Variants in ILDR2 observed in about 807,000 individuals in gnomAD.
ILDR2 encodes immunoglobulin like domain containing receptor 2, also known as immunoglobulin-like domain-containing receptor 2.
In ILDR2, 25 loss-of-function variants were observed where a neutral mutation model predicts 66.8. The observed-to-expected ratio is 0.37, with a 90% CI of 0.27 to 0.52. The LOEUF (loss-of-function observed/expected upper bound fraction) is 0.52. ILDR2 is among the 20% of genes least tolerant of loss of function. The pLI, the probability that ILDR2 is intolerant of heterozygous loss-of-function variation, is 0.88. For synonymous variants in ILDR2, 367 were observed against 357.2 expected (o/e 1.03, Z -0.31); for missense variants, 827 against 876.8 (o/e 0.94, Z 0.72).
rs1291765212 is a variant in ILDR2, at chr1:166,965,579, T to G, written c.47-7478A>C. Reference sequence around the variant, plus strand: ...CTTCAAGTTAGGTTTTGTTTTTTTTTTTGTTTTTTTTTTGACAGGGTCTCT... The same window carrying G: ...CTTCAAGTTAGGTTTTGTTTTTTTTGTTGTTTTTTTTTTGACAGGGTCTCT... On this transcript the variant is annotated intron_variant, in intron 1 of 9. Transcript: ENST00000271417. Among the ~76,000 whole-genome samples the G allele has an allele frequency of 4.0e-5, 6 of 148,212 alleles. 1 individual carries two copies. The highest frequency in any genetic ancestry group is 1.9e-4 in the East Asian group (1 of 5,142).
intron 1 of ILDR2, among the ~76,000 whole-genome samples, chr1:166,968,518 A>T (rs1202484843): frequency 6.6e-6 from 1 of 152,116 alleles, no homozygotes; most frequent in Non-Finnish European, 1.5e-5. Flanking sequence ...TACTCCATAC[A>T]TGTGTTGAAT....
chr1:166,961,067 C>T (rs1039801588), intron 1 of ILDR2, among the ~76,000 whole-genome samples: 4 of 152,186 alleles, frequency 2.6e-5, no homozygotes, highest in African/African-American at 9.7e-5. Flanking sequence ...TATTCTGGCA[C>T]TGCTTGGGAA....
intron 6 of ILDR2, among the ~76,000 whole-genome samples, chr1:166,933,088 G>GAC (rs1170864587): frequency 6.6e-6 from 1 of 152,208 alleles, no homozygotes; most frequent in Non-Finnish European, 1.5e-5. Flanking sequence ...TAGCTGCGGT[G>GAC]ACACTGATTG....
chr1:166,958,630 G>A (rs902883957), intron 1 of ILDR2, among the ~76,000 whole-genome samples: 3 of 152,144 alleles, frequency 2.0e-5, no homozygotes, highest in African/African-American at 7.2e-5. Flanking sequence ...ATAGCAGTGT[G>A]AGAGCGGACC....
At chr1:166,941,374 T>G (rs1247379200) in intron 3 of ILDR2, among the ~76,000 whole-genome samples, 1 of 152,156 alleles carries the variant, frequency 6.6e-6, no homozygotes, top group Non-Finnish European at 1.5e-5. Flanking sequence ...CATAAAAGAC[T>G]AAGAGATGCC....
rs1000336100 is a variant in ILDR2, at chr1:166,909,780, T to A, written c.*9575A>T. ...ATATAAATATATATAAATATATATA[T>A]TTATATATATATATATATATATATA... On this transcript the variant is annotated 3_prime_UTR_variant, in exon 10 of 10. Coordinates refer to ENST00000271417, the MANE Select transcript of ILDR2 (RefSeq NM_199351.3). 1.5e-4 allele frequency: 6 copies of A among 39,112 alleles called. No individual in the cohort carries two copies. Among genetic ancestry groups the A allele is most frequent in the East Asian group, 8.9e-4 (1 of 1,118 alleles). The allele number at this position is 39,112 out of a possible 1,614,324, so 2.4% of individuals were successfully genotyped here.
chr1:166,944,470 T>G (rs1437219316), intron 3 of ILDR2, among the ~76,000 whole-genome samples: 1 of 152,196 alleles, frequency 6.6e-6, no homozygotes, highest in Admixed American at 6.5e-5. Flanking sequence ...CAAATTAGTT[T>G]TCATCAGCCC....
At chr1:166,953,077 A>G (rs901211540) in intron 3 of ILDR2, among the ~76,000 whole-genome samples, 4 of 152,142 alleles carry the variant, frequency 2.6e-5, no homozygotes, top group Non-Finnish European at 4.4e-5. Context: ...TCCCACATCT[A>G]TTCTTCTTTT....
intron 1 of ILDR2, among the ~76,000 whole-genome samples, chr1:166,968,255 C>T (rs1663078641): frequency 6.6e-6 from 1 of 152,152 alleles, no homozygotes; most frequent in Admixed American, 6.5e-5. Context: ...TCCCCTGATT[C>T]TTGGCCTTTG....
rs1324310384 is a variant in ILDR2 at position 166,920,837 on chromosome 1, T to C, written c.1754A>G (p.Asp585Gly). The C allele has an allele frequency of 2.6e-6, 4 of 1,515,786 alleles. No homozygotes were observed. Among genetic ancestry groups the C allele is most frequent in the Non-Finnish European group, 3.5e-6 (4 of 1,135,604 alleles). The allele number at this position is 1,515,786 out of a possible 1,614,324, so 93.9% of individuals were successfully genotyped here. The change falls in exon 9 of 10, where the codon GAC becomes GGC. Residue 585 changes from aspartate (D) to glycine (G), a missense_variant. Asp to Gly is a moderately conservative substitution (Grantham distance 94). Coordinates refer to ENST00000271417, the MANE Select transcript of ILDR2 (RefSeq NM_199351.3). ...GGGCGGCAGCGCGTCGTCGGACGCGTCCTCCTGGTCGTCCTGCGACGAGCC... is the reference window on the plus strand; with the variant it reads ...GGGCGGCAGCGCGTCGTCGGACGCGCCCTCCTGGTCGTCCTGCGACGAGCC... ...KAGSSQDDQE[D>G]ASDDALPPYS... is the part of the protein sequence containing the mutation.
chr1:166,956,832 T>C lies in ILDR2; in HGVS notation c.400A>G (p.Lys134Glu). ...AGTCCGCTGTCTCCCCACATAAGCT[T>C]TCCAATTTGAAGATCTGCATCTGTT... ...IVHDADLQIG[K>E]LMWGDSGLYY... Residue 134 changes from lysine to glutamate, a missense_variant, in exon 3 of 10, where the codon AAG (lysine) becomes GAG (glutamate). Lys to Glu is a moderately conservative substitution (Grantham distance 56). Transcript: ENST00000271417. The C allele has an allele frequency of 6.2e-7, 1 of 1,613,638 alleles. No homozygotes were observed. The highest frequency in any genetic ancestry group is 8.5e-7 in the Non-Finnish European group (1 of 1,179,764).
rs1659433659 is a variant in ILDR2, at chr1:166,909,782, T to TATATATAAATATATATAA, written c.*9572_*9573insTTATATATATTTATATAT. 1 of 17,882 alleles carries TATATATAAATATATATAA rather than the reference T, an allele frequency of 5.6e-5. No individual in the cohort carries two copies. The highest frequency in any genetic ancestry group is 9.0e-5 in the Non-Finnish European group (1 of 11,114). The allele number at this position is 17,882 out of a possible 1,614,324, so 1.1% of individuals were successfully genotyped here. ...ATAAATATATATAAATATATATATT[T>TATATATAAATATATATAA]ATATATATATATATATATATATATC... On this transcript the variant is annotated 3_prime_UTR_variant, in exon 10 of 10. Coordinates refer to ENST00000271417, the MANE Select transcript of ILDR2 (RefSeq NM_199351.3).
At chr1:166,929,623 C>T (rs1380955707) in intron 6 of ILDR2, among the ~76,000 whole-genome samples, 1 of 152,182 alleles carries the variant, frequency 6.6e-6, no homozygotes, top group Non-Finnish European at 1.5e-5. Context: ...CTCTAGACTG[C>T]AAACTTCCTG....
At chr1:166,897,012 C>T (rs73024889) in intron 2 of ILDR2, among the ~76,000 whole-genome samples, 155 of 152,282 alleles carry the variant, frequency 1.0e-3, no homozygotes, top group African/African-American at 3.7e-3. Flanking sequence ...GTTTCTATTG[C>T]ACATTGCTGC....
At chr1:166,928,083 G>A (rs568918915) in intron 6 of ILDR2, among the ~76,000 whole-genome samples, 7 of 152,296 alleles carry the variant, frequency 4.6e-5, no homozygotes, top group Non-Finnish European at 8.8e-5. Context: ...AGGAAAAAAC[G>A]AAAGAGAGAA....
rs1170481209 is a variant in ILDR2, at chr1:166,914,721, T to C, written c.*4634A>G. 1 of 152,234 alleles carries C rather than the reference T, an allele frequency of 6.6e-6. No homozygotes were observed. Among genetic ancestry groups the C allele is most frequent in the African/African-American group, 2.4e-5 (1 of 41,462 alleles). 9.4% of individuals were successfully genotyped at this position (152,234 alleles called of 1,614,324 possible). A position where few individuals can be genotyped will look rare whatever the true frequency, so the allele number is the denominator to read the frequency against. On this transcript the variant is annotated 3_prime_UTR_variant, in exon 10 of 10. Coordinates refer to ENST00000271417, the MANE Select transcript of ILDR2 (RefSeq NM_199351.3). ...AAGCTTCATAGATCAATTCCCCAGATGACTAGGGGGTAGGATAATGGCAGA... is the reference window on the plus strand; with the variant it reads ...AAGCTTCATAGATCAATTCCCCAGACGACTAGGGGGTAGGATAATGGCAGA...
chr1:166,950,336 T>C (rs930626957), intron 3 of ILDR2, among the ~76,000 whole-genome samples: 4 of 152,160 alleles, frequency 2.6e-5, no homozygotes, highest in Admixed American at 6.5e-5. Context: ...ATGGGAACTC[T>C]GGGAGCTGAG....
Position 166,936,593 on chromosome 1 carries a change from G to A in ILDR2, c.701C>T (p.Ala234Val), listed in dbSNP as rs781173415. The change falls in exon 5 of 10, where the codon GCC (alanine) becomes GTC (valine). Residue 234 changes from alanine (A) to valine (V), a missense_variant and splice_region_variant. Ala to Val is a moderately conservative substitution (Grantham distance 64). Coordinates refer to ENST00000271417, the MANE Select transcript of ILDR2 (RefSeq NM_199351.3). The surrounding 1 kb of genome is among the most constrained non-coding windows in gnomAD (Gnocchi z 5.0). The part of the protein sequence containing the change: ...CCPDSCCCPQ[A>V]LYEAGKAAKA... ...TCCCCAGCGGTCACTGTACTCACAG[G>A]CTTGAGGGCAGCAGCAGGAATCTGG... 2 of 1,614,118 alleles carry A rather than the reference G, an allele frequency of 1.2e-6. No homozygotes were observed. The highest frequency in any genetic ancestry group is 2.2e-5 in the East Asian group (1 of 44,870).
intron 7 of ILDR2, among the ~76,000 whole-genome samples, 183 bp downstream of exon 7, chr1:166,926,884 C>T (rs771280763): frequency 1.3e-5 from 2 of 152,006 alleles, no homozygotes; most frequent in Admixed American, 6.6e-5. Flanking sequence ...CTACTCTTCA[C>T]ACCAGAAGAC....
Sources: gnomAD v4.1 joint callset for allele counts (sites outside exome capture counted in the v4.1 genomes callset) on GRCh38, gnomAD v4.1.1 for gene constraint, Gnocchi (gnomAD v3.1) non-coding constraint, MANE v1.5 for transcripts, NCBI Gene and HGNC (gene_info 2026-07-23, HGNC 2026-07-21) for gene names.